The following ARHGAP24 variants were observed in gnomAD, a reference collection of about 807,000 sequenced individuals.
The protein encoded by ARHGAP24 is Rho GTPase activating protein 24.
In ARHGAP24, 50 loss-of-function variants were observed where a neutral mutation model predicts 76.4. The ratio of observed to expected loss-of-function variants is 0.65; its 90% CI spans 0.52 to 0.83. The LOEUF (loss-of-function observed/expected upper bound fraction) is 0.83, where lower values mean the gene tolerates loss of function less well. Among genes scored for constraint, ARHGAP24 ranks in the 40% least tolerant of loss-of-function variants. The pLI, the probability that ARHGAP24 is intolerant of heterozygous loss-of-function variation, is 0.00. For missense variants in ARHGAP24, 930 were observed against 914.2 expected, an observed-to-expected ratio of 1.02 and a Z score of -0.22; for synonymous variants, 345 against 323.3, an observed-to-expected ratio of 1.07 and a Z score of -0.72.
chr4:85,738,093 G>A (rs987421864), intron 3 of ARHGAP24, among the ~76,000 whole-genome samples: 3 of 151,892 alleles, frequency 2.0e-5, no homozygotes, highest in Non-Finnish European at 4.4e-5. Context: ...GCTAATTTTT[G>A]TATTTTTAGT....
intron 4 of ARHGAP24, among the ~76,000 whole-genome samples, chr4:85,924,229 C>T (rs1019974407): frequency 4.6e-5 from 7 of 152,084 alleles, no homozygotes; most frequent in Non-Finnish European, 8.8e-5. Context: ...TAAAAACATC[C>T]TTCAGATCAG....
chr4:85,534,276 G>A (rs1051819308), intron 1 of ARHGAP24, among the ~76,000 whole-genome samples: 40 of 143,146 alleles, frequency 2.8e-4, no homozygotes, highest in African/African-American at 9.7e-4. Flanking sequence ...ATTATTGAGT[G>A]CCCTCTGTTC....
chr4:85,535,094 C>T (rs1560523300), intron 1 of ARHGAP24, among the ~76,000 whole-genome samples: 1 of 152,106 alleles, frequency 6.6e-6, no homozygotes, highest in Non-Finnish European at 1.5e-5. Context: ...TTCCTTGATT[C>T]AAATGTAAAA....
At position 85,931,009 on chromosome 4, in the gene ARHGAP24, A is replaced by G. The variant is rs770001554; in HGVS notation, c.391+7239A>G. On this transcript the variant is annotated intron_variant, in intron 4 of 9. Coordinates refer to ENST00000395184, the MANE Select transcript of ARHGAP24 (RefSeq NM_001025616.3). ...TCCTTTCATCCCTAAAACTACATAC[A>G]GAAGAATCAAACGGTGTTTTAGTTT... The G allele has an allele frequency of 2.8e-5, 45 of 1,613,754 alleles. No individual in the cohort carries two copies. The East Asian group carries it at 7.6e-4, about 27-fold the overall frequency.
At chr4:85,753,304 G>T (rs1161048855) in intron 3 of ARHGAP24, among the ~76,000 whole-genome samples, 8 of 152,024 alleles carry the variant, frequency 5.3e-5, no homozygotes, top group Admixed American at 5.2e-4. Flanking sequence ...GGGCATAGTA[G>T]ACTTGGTACC....
chr4:85,735,972 T>G (rs1230429363), intron 3 of ARHGAP24, among the ~76,000 whole-genome samples: 1 of 152,204 alleles, frequency 6.6e-6, no homozygotes, highest in Admixed American at 6.5e-5. Flanking sequence ...TTTTTCTCTC[T>G]TGCTCTGTGT....
At chr4:85,960,219 A>C (rs1017836301) in intron 5 of ARHGAP24, among the ~76,000 whole-genome samples, 11 of 152,190 alleles carry the variant, frequency 7.2e-5, no homozygotes, top group Non-Finnish European at 1.3e-4. Flanking sequence ...GAACAGATAA[A>C]AAGTTTTAAA....
At chr4:85,685,046 A>G (rs1254050191) in intron 2 of ARHGAP24, among the ~76,000 whole-genome samples, 1 of 152,200 alleles carries the variant, frequency 6.6e-6, no homozygotes, top group Non-Finnish European at 1.5e-5. Context: ...TGGTTTCATT[A>G]TTAGATTCAG....
rs550234092 is a variant in ARHGAP24, at chr4:85,507,162, T to A, written c.-21+31603T>A. Among the ~76,000 whole-genome samples, 8 of 152,302 alleles carry A rather than the reference T, an allele frequency of 5.3e-5. No individual in the cohort carries two copies. The East Asian group carries it at 1.5e-3, about 29-fold the overall frequency. On this transcript the variant is annotated intron_variant, in intron 1 of 9. Coordinates refer to ENST00000395184, the MANE Select transcript of ARHGAP24 (RefSeq NM_001025616.3). ...GATCTGCATATTGACATATTGGACC[T>A]TCTGTTGGATCACTGATCACTTTCC...
intron 2 of ARHGAP24, among the ~76,000 whole-genome samples, chr4:85,588,015 A>T (rs1727929510): frequency 6.6e-6 from 1 of 152,206 alleles, no homozygotes. Context: ...GATCTAAAGA[A>T]GAAAGAAGAC....
chr4:85,964,583 A>G (rs958865106), intron 5 of ARHGAP24, among the ~76,000 whole-genome samples: 5 of 152,120 alleles, frequency 3.3e-5, no homozygotes, highest in African/African-American at 1.2e-4. Context: ...AGAAGAGGCA[A>G]GGAGGTGGAA....
chr4:85,552,360 A>G (rs968708514), intron 1 of ARHGAP24, among the ~76,000 whole-genome samples: 2 of 151,996 alleles, frequency 1.3e-5, no homozygotes, highest in Non-Finnish European at 2.9e-5. Context: ...ATTGATTTCT[A>G]TTTTTGTTGA....
rs186630660 is a variant in ARHGAP24 at position 85,486,962 on chromosome 4, A to G, written c.-21+11403A>G. 2.0e-5 allele frequency among the ~76,000 whole-genome samples: 3 copies of G among 151,924 alleles called. No individual in the cohort carries two copies. In the East Asian group the frequency reaches 5.8e-4, roughly 29 times the overall value. On this transcript the variant is annotated intron_variant, in intron 1 of 9. Transcript: ENST00000395184. ...GCTTTGTAAATTCTGGGTCAGGCTAAGGATAAAGCTCCTTCAGCAGGAGTG... is the reference window on the plus strand; with the variant it reads ...GCTTTGTAAATTCTGGGTCAGGCTAGGGATAAAGCTCCTTCAGCAGGAGTG...
intron 1 of ARHGAP24, among the ~76,000 whole-genome samples, chr4:85,487,905 A>G (rs1374578893): frequency 7.6e-6 from 1 of 131,070 alleles, no homozygotes; most frequent in Non-Finnish European, 1.5e-5. Context: ...TATTTTATAT[A>G]TATATATTTA....
At position 85,962,229 on chromosome 4, in the gene ARHGAP24, A is replaced by G. The variant is rs553583818; in HGVS notation, c.600-9807A>G. ...ACATGAAAATTGGAACAGCTATGTAAACTCTCAATGAAAAAATACTATTAA... is the reference window on the plus strand; with the variant it reads ...ACATGAAAATTGGAACAGCTATGTAGACTCTCAATGAAAAAATACTATTAA... On this transcript the variant is annotated intron_variant, in intron 5 of 9. Coordinates refer to ENST00000395184, the MANE Select transcript of ARHGAP24 (RefSeq NM_001025616.3). Among the ~76,000 whole-genome samples, 7 of 152,230 alleles carry G rather than the reference A, an allele frequency of 4.6e-5. No homozygotes were observed. The East Asian group carries it at 1.4e-3, about 29-fold the overall frequency.
rs190507126 is a variant in ARHGAP24 at position 85,620,698 on chromosome 4, T to C, written c.180+49977T>C. Among the ~76,000 whole-genome samples the C allele has an allele frequency of 7.2e-5, 11 of 152,004 alleles. No individual in the cohort carries two copies. In the East Asian group the frequency reaches 2.1e-3, roughly 29 times the overall value. On this transcript the variant is annotated intron_variant, in intron 2 of 9. Transcript: ENST00000395184. Reference sequence around the variant, plus strand: ...TCCTATCTTCTACAAACTTTGGGCTTAAGTTGTTTTTCTTTTTCTAGTTCA... The same window carrying C: ...TCCTATCTTCTACAAACTTTGGGCTCAAGTTGTTTTTCTTTTTCTAGTTCA...
intron 2 of ARHGAP24, among the ~76,000 whole-genome samples, chr4:85,578,494 C>A (rs1211502708): frequency 1.3e-5 from 2 of 152,188 alleles, no homozygotes; most frequent in Admixed American, 1.3e-4. Context: ...AGGCACTTCC[C>A]TGGGAGGCAG....
At chr4:85,697,018 A>G (rs1300820288) in intron 2 of ARHGAP24, among the ~76,000 whole-genome samples, 4 of 152,174 alleles carry the variant, frequency 2.6e-5, no homozygotes, top group Admixed American at 2.0e-4. Flanking sequence ...AGGATAATGA[A>G]TGTGCCACAG....
intron 5 of ARHGAP24, among the ~76,000 whole-genome samples, chr4:85,943,168 G>C (rs1379764307): frequency 6.6e-6 from 1 of 151,922 alleles, no homozygotes; most frequent in Non-Finnish European, 1.5e-5. Context: ...TCTATTTTTG[G>C]ATTACTTAGG....
Sources: allele counts gnomAD v4.1 joint callset (sites outside exome capture counted in the v4.1 genomes callset), GRCh38; gene constraint gnomAD v4.1.1; transcripts MANE v1.5; gene names NCBI Gene and HGNC (gene_info 2026-07-23, HGNC 2026-07-21).